Variants in CLMN observed in about 807,000 individuals in gnomAD.
CLMN encodes calmin (calponin-like, transmembrane).
A neutral mutation model predicts 92.7 loss-of-function variants in CLMN; 57 were observed. The ratio of observed to expected loss-of-function variants is 0.61; its 90% CI spans 0.50 to 0.77. CLMN has a LOEUF of 0.77. CLMN is among the 30% of genes least tolerant of loss of function. The probability of loss-of-function intolerance (pLI) is 0.00; values close to 1 mark genes in which losing one functional copy is unlikely to be tolerated. For synonymous variants in CLMN, 466 were observed against 470.6 expected, an observed-to-expected ratio of 0.99 and a Z score of 0.13; for missense variants, 1,158 against 1,237.5, an observed-to-expected ratio of 0.94 and a Z score of 0.96.
chr14:95,217,857 C>A (rs140745369), intron 4 of CLMN, among the ~76,000 whole-genome samples: 1 of 152,334 alleles, frequency 6.6e-6, no homozygotes, highest in Non-Finnish European at 1.5e-5. Context: ...AGGGGAAGGG[C>A]AGGGCTGAGC....
At chr14:95,297,305 A>C (rs1900847203) in intron 1 of CLMN, among the ~76,000 whole-genome samples, 1 of 152,230 alleles carries the variant, frequency 6.6e-6, no homozygotes, top group African/African-American at 2.4e-5. Context: ...AGTGTCATTA[A>C]AAAACTGTGA....
At chr14:95,282,332 A>T (rs890813963) in intron 1 of CLMN, among the ~76,000 whole-genome samples, 1 of 152,084 alleles carries the variant, frequency 6.6e-6, no homozygotes, top group Non-Finnish European at 1.5e-5. Flanking sequence ...TATGGAAAGG[A>T]TATTGGAAAG....
At chr14:95,261,923 G>A (rs892641627) in intron 1 of CLMN, among the ~76,000 whole-genome samples, 4 of 152,184 alleles carry the variant, frequency 2.6e-5, no homozygotes, top group Admixed American at 1.3e-4. Flanking sequence ...GACAACCTGC[G>A]AGCAGCTTTG....
intron 1 of CLMN, among the ~76,000 whole-genome samples, chr14:95,235,618 C>T (rs1220112186): frequency 1.3e-5 from 2 of 152,212 alleles, no homozygotes; most frequent in Non-Finnish European, 2.9e-5. Context: ...AAGGGCTCTT[C>T]CTGACAATGG....
intron 1 of CLMN, among the ~76,000 whole-genome samples, chr14:95,268,497 A>G (rs937657058): frequency 8.5e-5 from 13 of 152,126 alleles, no homozygotes; most frequent in Admixed American, 4.6e-4. Flanking sequence ...GGGGGTAGTG[A>G]CTGAGAAGGA....
At chr14:95,201,328 A>G (rs542632770) in intron 9 of CLMN, among the ~76,000 whole-genome samples, 1 of 151,798 alleles carries the variant, frequency 6.6e-6, no homozygotes, top group African/African-American at 2.4e-5. Flanking sequence ...GACCCTTGGG[A>G]GTCACAGCGA....
intron 1 of CLMN, 58 bp downstream of exon 1, chr14:95,319,653 C>T: frequency 7.1e-7 from 1 of 1,399,640 alleles, no homozygotes; most frequent in African/African-American, 1.5e-5. Context: ...AGTGTCGGAG[C>T]GGCGCCCCGG....
At chr14:95,211,928 T>C (rs939098197) in intron 6 of CLMN, among the ~76,000 whole-genome samples, 1 of 152,218 alleles carries the variant, frequency 6.6e-6, no homozygotes, top group Non-Finnish European at 1.5e-5. Flanking sequence ...ACCACCACAA[T>C]AGAGAAACAG....
At chr14:95,282,745 G>C (rs550651767) in intron 1 of CLMN, among the ~76,000 whole-genome samples, 12 of 152,368 alleles carry the variant, frequency 7.9e-5, no homozygotes, top group African/African-American at 2.9e-4. Flanking sequence ...CACTCAGAGA[G>C]AAGGTCAGAA....
chr14:95,247,826 C>T (rs747196995), intron 1 of CLMN, among the ~76,000 whole-genome samples: 4 of 151,600 alleles, frequency 2.6e-5, no homozygotes, highest in Non-Finnish European at 5.9e-5. Flanking sequence ...TTAGCTGCTA[C>T]GTGGACTGGA....
intron 8 of CLMN, 131 bp downstream of exon 8, chr14:95,209,264 G>T: frequency 1.3e-6 from 1 of 766,580 alleles, no homozygotes; most frequent in South Asian, 1.5e-5. Flanking sequence ...CGTGCTCAAG[G>T]GACTTGGGAG....
At chr14:95,297,850 C>CAG (rs1900876332) in intron 1 of CLMN, among the ~76,000 whole-genome samples, 1 of 142,298 alleles carries the variant, frequency 7.0e-6, no homozygotes, top group Non-Finnish European at 1.6e-5. Flanking sequence ...CACACACACA[C>CAG]AGAGTGCATG....
chr14:95,280,632 G>A (rs1185399084), intron 1 of CLMN, among the ~76,000 whole-genome samples: 1 of 152,080 alleles, frequency 6.6e-6, no homozygotes, highest in Non-Finnish European at 1.5e-5. Flanking sequence ...TTTCTGACCT[G>A]ATTAATCCTT....
chr14:95,260,027 C>T (rs1468958518), intron 1 of CLMN, among the ~76,000 whole-genome samples: 1 of 152,202 alleles, frequency 6.6e-6, no homozygotes, highest in East Asian at 1.9e-4. Flanking sequence ...TTCCTTTCCA[C>T]TCCCTGCTAT....
intron 1 of CLMN, among the ~76,000 whole-genome samples, chr14:95,289,133 C>T (rs2140754572): frequency 6.6e-6 from 1 of 152,268 alleles, no homozygotes; most frequent in East Asian, 1.9e-4. Context: ...TGTGTGCACA[C>T]ATCACATACA....
chr14:95,235,073 T>C (rs892302152), intron 1 of CLMN, among the ~76,000 whole-genome samples: 6 of 152,288 alleles, frequency 3.9e-5, no homozygotes, highest in East Asian at 3.9e-4. Context: ...CTAAAATTGC[T>C]TGACATTTCA....
intron 1 of CLMN, among the ~76,000 whole-genome samples, chr14:95,315,591 G>A (rs1595127961): frequency 6.6e-6 from 1 of 152,224 alleles, no homozygotes; most frequent in African/African-American, 2.4e-5. Context: ...CGCAGGCCCT[G>A]CCCTGCCTCT....
At chr14:95,289,403 G>C (rs1900466609) in intron 1 of CLMN, among the ~76,000 whole-genome samples, 1 of 151,876 alleles carries the variant, frequency 6.6e-6, no homozygotes, top group Non-Finnish European at 1.5e-5. Context: ...TGAGGCATGG[G>C]AATTGCTTGA....
At chr14:95,292,849 G>GC (rs1417578723) in intron 1 of CLMN, among the ~76,000 whole-genome samples, 1 of 152,144 alleles carries the variant, frequency 6.6e-6, no homozygotes, top group African/African-American at 2.4e-5. Flanking sequence ...GAGCACGGGT[G>GC]CCCGGTGTGG....
Sources: allele counts gnomAD v4.1 joint callset (sites outside exome capture counted in the v4.1 genomes callset), GRCh38; gene constraint gnomAD v4.1.1; transcripts MANE v1.5; gene names NCBI Gene and HGNC (gene_info 2026-07-23, HGNC 2026-07-21).